WSCD1: variants seen among roughly 807,000 people sequenced by gnomAD.
WSCD1 encodes the protein WSC domain sialate O sulfotransferase 1.
Under a neutral mutation model 60.4 loss-of-function variants are expected in WSCD1, and 41 were observed. The observed-to-expected ratio is 0.68, with a 90% CI of 0.53 to 0.88. The LOEUF is 0.88. WSCD1 is among the 40% of genes least tolerant of loss of function. The pLI is 0.00. For missense variants in WSCD1, 784 were observed against 796.2 expected (o/e 0.98, Z 0.18); for synonymous variants, 361 against 332.5 (o/e 1.09, Z -0.93).
At chr17:6,114,736 C>G (rs1254046660) in intron 7 of WSCD1, among the ~76,000 whole-genome samples, 1 of 151,926 alleles carries the variant, frequency 6.6e-6, no homozygotes, top group Non-Finnish European at 1.5e-5. Context: ...AGGTTTGTTA[C>G]ATAGGTATGC....
In WSCD1 at chr17:6,101,421, G is replaced by C. The variant is rs1337343162; in HGVS notation, c.849+6198G>C. ...GTGGGGCTGGGAGCAGCAGATGTGA[G>C]AGGTGGGGCTTGGAAACAGGAAAAG... On this transcript the variant is annotated intron_variant, in intron 5 of 8. Coordinates refer to ENST00000317744, the MANE Select transcript of WSCD1 (RefSeq NM_015253.2). The surrounding 1 kb of genome is among the most constrained non-coding windows in gnomAD (Gnocchi z 4.1). 6.6e-6 allele frequency among the ~76,000 whole-genome samples: 1 copy of C among 152,126 alleles called. No individual in the cohort carries two copies. The highest frequency in any genetic ancestry group is 1.5e-5 in the Non-Finnish European group (1 of 68,024).
chr17:6,096,785 C>G (rs34755998), intron 5 of WSCD1, among the ~76,000 whole-genome samples: 43,081 of 151,916 alleles, frequency 0.28, 7,342 homozygotes, highest in Non-Finnish European at 0.39. Context: ...GGGCTTCCCT[C>G]ACACCTGCAG....
intron 2 of WSCD1, 108 bp downstream of exon 2, chr17:6,081,193 TG>T: frequency 7.7e-7 from 1 of 1,298,208 alleles, no homozygotes; most frequent in South Asian, 1.6e-5. Context: ...CACCGCTAGA[TG>T]GTTCTTTCCT....
chr17:6,073,696 C>T lies in WSCD1; in HGVS notation c.-289+3044C>T, dbSNP rs1368189960. ...TGGAAAAGGTTGCGACTGGCTGTTT[C>T]AAAAGTGAGAAAGGCTCCAAATCAG... is the stretch of plus-strand genomic sequence containing the variant. On this transcript the variant is annotated intron_variant, in intron 1 of 8. Transcript: ENST00000317744. Among the ~76,000 whole-genome samples the T allele has an allele frequency of 2.0e-5, 3 of 152,218 alleles. No homozygotes were observed. The South Asian group carries it at 6.2e-4, about 32-fold the overall frequency.
At chr17:6,100,790 A>C (rs1167711278) in intron 5 of WSCD1, among the ~76,000 whole-genome samples, 1 of 152,200 alleles carries the variant, frequency 6.6e-6, no homozygotes. Context: ...TCTGGAGGGT[A>C]AAATCACCCC....
At chr17:6,113,852 G>A (rs956204927) in intron 7 of WSCD1, among the ~76,000 whole-genome samples, 12 of 152,150 alleles carry the variant, frequency 7.9e-5, no homozygotes, top group African/African-American at 2.9e-4. Flanking sequence ...AAGTGTTGGA[G>A]AGGATGTGGA....
Position 6,120,417 on chromosome 17 carries a change from G to T in WSCD1, c.1484G>T (p.Arg495Leu). 1.9e-6 allele frequency: 3 copies of T among 1,614,058 alleles called. No homozygotes were observed. The highest frequency in any genetic ancestry group is 2.5e-6 in the Non-Finnish European group (3 of 1,180,034). Residue 495 changes from arginine (R) to leucine (L), a missense_variant, in exon 9 of 9, where the codon CGC becomes CTC. By Grantham distance (102) the Arg-to-Leu change is moderately radical (BLOSUM62 -2). Transcript: ENST00000317744. ...GTGGTGCACTACGAGGAGCTGCGGC[G>T]CAGCCTGGTGCCCACGTTACGGGAG... The part of the protein sequence containing the change: ...LLVVHYEELR[R>L]SLVPTLREMV...
intron 3 of WSCD1, among the ~76,000 whole-genome samples, chr17:6,089,014 C>A (rs1909846348): frequency 6.6e-6 from 1 of 151,906 alleles, no homozygotes; most frequent in East Asian, 1.9e-4. Context: ...AATCTCCTGA[C>A]CTCATGATCT....
intron 3 of WSCD1, 127 bp downstream of exon 3, chr17:6,088,231 C>A (rs1909790115): frequency 2.6e-6 from 2 of 759,822 alleles, no homozygotes; most frequent in East Asian, 2.8e-5. Flanking sequence ...GCTCAGATCC[C>A]AGTTTTCCAG....
At position 6,084,711 on chromosome 17, in the gene WSCD1, C is replaced by CGG. The variant is rs370980775; in HGVS notation, c.428-3278_428-3277dup. Reference sequence around the variant, plus strand: ...TTCAAAGCCGTCGTTACTAGCCTCACGGTATGTCCATTTTGATGTGCAAAT... The same window carrying CGG: ...TTCAAAGCCGTCGTTACTAGCCTCACGGGGTATGTCCATTTTGATGTGCAAAT... On this transcript the variant is annotated intron_variant, in intron 2 of 8. Transcript: ENST00000317744. 5.3e-3 allele frequency: 810 copies of CGG among 152,316 alleles called. 9 individuals carry two copies. Among genetic ancestry groups the CGG allele is most frequent in the African/African-American group, 0.018 (761 of 41,542 alleles). 9.4% of individuals were successfully genotyped at this position (152,316 alleles called of 1,614,324 possible). A position where few individuals can be genotyped will look rare whatever the true frequency, so the allele number is the denominator to read the frequency against.
chr17:6,116,488 G>A (rs1195725730), intron 7 of WSCD1, among the ~76,000 whole-genome samples: 1 of 152,206 alleles, frequency 6.6e-6, no homozygotes, highest in Non-Finnish European at 1.5e-5. Flanking sequence ...AATGTGGTCT[G>A]AGCTGCAAGG....
rs1013898473 is a variant in WSCD1 at position 6,080,750 on chromosome 17, G to T, written c.92G>T (p.Ser31Ile). The T allele has an allele frequency of 6.2e-7, 1 of 1,612,156 alleles. No homozygotes were observed. The highest frequency in any genetic ancestry group is 1.7e-5 in the Admixed American group (1 of 59,998). ...ACGGCTGCCTACCTGATGACCGGCA[G>T]CCTGCTGCTGCTGCAGCGGGTCCGC... ...FLTAAYLMTG[S>I]LLLLQRVRVA... Residue 31 changes from serine to isoleucine, a missense_variant, in exon 2 of 9, where the codon AGC becomes ATC. Transcript: ENST00000317744. This position sits in a 1 kb window ranked among gnomAD's most constrained non-coding sequence, Gnocchi z 6.6.
chr17:6,070,267 C>G (rs1331857329), upstream of WSCD1, among the ~76,000 whole-genome samples: 1 of 96,136 alleles, frequency 1.0e-5, no homozygotes, highest in Admixed American at 1.1e-4. Flanking sequence ...AGGGCGTGGG[C>G]CCCCTCCGGC....
At chr17:6,097,098 C>A (rs1910488375) in intron 5 of WSCD1, among the ~76,000 whole-genome samples, 1 of 152,250 alleles carries the variant, frequency 6.6e-6, no homozygotes, top group African/African-American at 2.4e-5. Flanking sequence ...CCACACACAG[C>A]CACACACTGG....
At chr17:6,103,370 C>T (rs896468112) in intron 5 of WSCD1, among the ~76,000 whole-genome samples, 18 of 152,218 alleles carry the variant, frequency 1.2e-4, no homozygotes, top group African/African-American at 4.3e-4. Flanking sequence ...CCAGTCCTTT[C>T]CCAGGTCAGT....
In WSCD1 at chr17:6,120,833, C is replaced by T. The variant is rs1904648736; in HGVS notation, c.*172C>T. ...ACCTGGACACAACAGACACACATCA[C>T]AAGGCGAACACAAATGGACACACAT... is the stretch of plus-strand genomic sequence containing the variant. On this transcript the variant is annotated 3_prime_UTR_variant, in exon 9 of 9. Transcript: ENST00000317744. The T allele has an allele frequency of 3.0e-6, 2 of 673,936 alleles. No homozygotes were observed. The highest frequency in any genetic ancestry group is 4.9e-6 in the Non-Finnish European group (2 of 405,688). 41.7% of individuals were successfully genotyped at this position (673,936 alleles called of 1,614,324 possible).
At chr17:6,096,984 T>C (rs904006732) in intron 5 of WSCD1, among the ~76,000 whole-genome samples, 1 of 152,260 alleles carries the variant, frequency 6.6e-6, no homozygotes, top group Non-Finnish European at 1.5e-5. Flanking sequence ...CAATGGGGGA[T>C]ACTCAGATGC....
chr17:6,112,870 CA>C (rs1911485717), intron 7 of WSCD1, among the ~76,000 whole-genome samples: 1 of 151,962 alleles, frequency 6.6e-6, no homozygotes, highest in Non-Finnish European at 1.5e-5. Context: ...ACCATGCTAC[CA>C]AAAGCAATCA....
In WSCD1 at chr17:6,080,682, C is replaced by G; in HGVS notation, c.24C>G (p.Leu8=). MAKPFFR[L]QKFLRRTQFL... Reference sequence around the variant, plus strand: ...GCATGGCCAAACCTTTCTTCCGACTCCAGAAGTTTCTCCGCCGAACACAGT... The same window carrying G: ...GCATGGCCAAACCTTTCTTCCGACTGCAGAAGTTTCTCCGCCGAACACAGT... Residue 8 remains leucine, a synonymous_variant, in exon 2 of 9, where the codon CTC becomes CTG. Transcript: ENST00000317744. The surrounding 1 kb of genome is among the most constrained non-coding windows in gnomAD (Gnocchi z 6.6). The G allele has an allele frequency of 6.2e-7, 1 of 1,613,634 alleles. No individual in the cohort carries two copies.
Sources: allele counts gnomAD v4.1 joint callset (sites outside exome capture counted in the v4.1 genomes callset), GRCh38; gene constraint gnomAD v4.1.1; non-coding constraint Gnocchi (gnomAD v3.1); transcripts MANE v1.5; gene names NCBI Gene and HGNC (gene_info 2026-07-23, HGNC 2026-07-21).